Variants in BCL7C observed in about 807,000 individuals in gnomAD.
BCL7C encodes the protein B-cell CLL/lymphoma 7 protein family member C.
A neutral mutation model predicts 26.2 loss-of-function variants in BCL7C; 8 were observed. The ratio of observed to expected loss-of-function variants is 0.30; its 90% CI spans 0.18 to 0.55. The LOEUF is 0.55. Ranked by LOEUF, BCL7C falls within the 20% of genes least tolerant of loss-of-function variation. The probability of loss-of-function intolerance (pLI) is 0.93; values close to 1 mark genes in which losing one functional copy is unlikely to be tolerated. For missense variants in BCL7C, 262 were observed against 298.5 expected, an observed-to-expected ratio of 0.88 and a Z score of 0.90; for synonymous variants, 90 against 116.5, an observed-to-expected ratio of 0.77 and a Z score of 1.47.
intron 5 of BCL7C, among the ~76,000 whole-genome samples, chr16:30,844,148 A>G (rs1326330895): frequency 6.6e-5 from 10 of 151,052 alleles, no homozygotes; most frequent in Non-Finnish European, 1.5e-4. Context: ...TCAAGAGATC[A>G]AGACCATCCT....
At chr16:30,844,541 G>T (rs1322754258) in intron 5 of BCL7C, among the ~76,000 whole-genome samples, 2 of 152,010 alleles carry the variant, frequency 1.3e-5, no homozygotes, top group Non-Finnish European at 2.9e-5. Context: ...CACACTGGTG[G>T]GTTAAATGAG....
Position 30,887,870 on chromosome 16 carries a change from G to A in BCL7C, c.649C>T (p.Pro217Ser). 2 of 1,589,620 alleles carry A rather than the reference G, an allele frequency of 1.3e-6. No individual in the cohort carries two copies. The highest frequency in any genetic ancestry group is 1.7e-6 in the Non-Finnish European group (2 of 1,169,674). Residue 217 changes from proline (P) to serine (S), a missense_variant, in exon 6 of 6, where the codon CCC (proline) becomes TCC (serine). Physicochemically the swap from Pro to Ser is moderately conservative, Grantham distance 74 (BLOSUM62 -1). Coordinates refer to ENST00000215115, the MANE Select transcript of BCL7C (RefSeq NM_004765.4). ...LKRICPNAPD[P>S] ...AGGACAGGCAGGCCGGCTTCTCAGG[G>A]GTCAGGGGCATTTGGGCAGATGCGC... is the stretch of plus-strand genomic sequence containing the variant.
chr16:30,888,188 A>C (rs2055166058), intron 5 of BCL7C, among the ~76,000 whole-genome samples, 198 bp from the exon 6 acceptor site: 1 of 152,318 alleles, frequency 6.6e-6, no homozygotes, highest in African/African-American at 2.4e-5. Flanking sequence ...AACGAACCTG[A>C]TATTTGATAT....
intron 4 of BCL7C, among the ~76,000 whole-genome samples, chr16:30,891,968 A>C (rs541657600): frequency 8.3e-6 from 1 of 120,014 alleles, no homozygotes; most frequent in East Asian, 2.9e-4. Context: ...TCTAAAAAAA[A>C]GGGGGGGGAG....
chr16:30,844,980 A>G (rs528898496), intron 5 of BCL7C, among the ~76,000 whole-genome samples: 3 of 152,324 alleles, frequency 2.0e-5, no homozygotes, highest in Admixed American at 6.5e-5. Context: ...TTTCAGGGGC[A>G]GATCCCAGTG....
At chr16:30,872,748 GT>G (rs1222871751) in intron 5 of BCL7C, among the ~76,000 whole-genome samples, 1 of 152,128 alleles carries the variant, frequency 6.6e-6, no homozygotes, top group Non-Finnish European at 1.5e-5. Context: ...TAAGTAGGTA[GT>G]TTTGGCAATC....
rs1482104042 is a variant in BCL7C, at chr16:30,888,008, A to G, written c.529-18T>C. ...TCGGGGGCCTGGAGAGGAAGGGTGG[A>G]CAGGCGTGAGCTCCACAGAACCCAG... is the stretch of plus-strand genomic sequence containing the variant. On this transcript the variant is annotated intron_variant, in intron 5 of 5. Transcript: ENST00000215115. The G allele has an allele frequency of 6.2e-7, 1 of 1,600,764 alleles. No homozygotes were observed. Among genetic ancestry groups the G allele is most frequent in the Admixed American group, 1.7e-5 (1 of 58,042 alleles).
chr16:30,889,319 G>C (rs1040525848), intron 4 of BCL7C, among the ~76,000 whole-genome samples: 1 of 152,164 alleles, frequency 6.6e-6, no homozygotes, highest in Admixed American at 6.5e-5. Context: ...TCATGTGGCT[G>C]TTGTGAGGGT....
At chr16:30,839,875 G>T (rs1005685521) in intron 5 of BCL7C, among the ~76,000 whole-genome samples, 2 of 152,202 alleles carry the variant, frequency 1.3e-5, no homozygotes, top group Non-Finnish European at 2.9e-5. Context: ...AATTTGTTAT[G>T]CAGCAATAGG....
At chr16:30,847,486 G>A (rs924301503) in intron 5 of BCL7C, among the ~76,000 whole-genome samples, 1 of 152,106 alleles carries the variant, frequency 6.6e-6, no homozygotes, top group Non-Finnish European at 1.5e-5. Flanking sequence ...TTGCCAGTAG[G>A]TCTTTAATAG....
At chr16:30,869,514 T>C (rs920031620) in intron 5 of BCL7C, among the ~76,000 whole-genome samples, 5 of 148,242 alleles carry the variant, frequency 3.4e-5, no homozygotes, top group African/African-American at 7.5e-5. Flanking sequence ...TCTTTCTTTT[T>C]TTTTTTTTTT....
Position 30,893,216 on chromosome 16 carries a change from T to A in BCL7C, c.167A>T (p.Glu56Val). The A allele has an allele frequency of 4.3e-6, 7 of 1,613,078 alleles. No individual in the cohort carries two copies. In the South Asian group the frequency reaches 7.7e-5, roughly 18 times the overall value. Residue 56 changes from glutamate to valine, a missense_variant, in exon 2 of 6, where the codon GAG (glutamate) becomes GTG (valine). Glu to Val is a moderately radical substitution (Grantham distance 121). Transcript: ENST00000215115. This position sits in a 1 kb window ranked among gnomAD's most constrained non-coding sequence, Gnocchi z 5.2. ...GTGGGAATGGGGGTTGCTCACCTCC[T>A]CCTGGGGATCCACCACTGGCACCCA... ...FKWVPVVDPQ[E>V]EERRRAGGGA...
chr16:30,856,150 TAA>T (rs1449240322), intron 5 of BCL7C, among the ~76,000 whole-genome samples: 1 of 150,310 alleles, frequency 6.7e-6, no homozygotes, highest in African/African-American at 2.4e-5. Flanking sequence ...AGTGACATTT[TAA>T]AAACCAAAGT....
chr16:30,851,763 G>A (rs1239353150), intron 5 of BCL7C: 9 of 466,788 alleles, frequency 1.9e-5, no homozygotes. Context: ...TTTTTTTGGT[G>A]CAAGGTTGGC....
chr16:30,855,251 T>A (rs1331000541), intron 5 of BCL7C, among the ~76,000 whole-genome samples: 1 of 152,038 alleles, frequency 6.6e-6, no homozygotes, highest in African/African-American at 2.4e-5. Context: ...TTTATTTATT[T>A]ATTTTGAGAT....
rs2055269361 is a variant in BCL7C at position 30,892,694 on chromosome 16, C to G, written c.334G>C (p.Glu112Gln). 1 of 1,614,006 alleles carries G rather than the reference C, an allele frequency of 6.2e-7. No homozygotes were observed. The highest frequency in any genetic ancestry group is 1.3e-5 in the African/African-American group (1 of 74,916). Residue 112 changes from glutamate to glutamine, a missense_variant, in exon 4 of 6, where the codon GAG becomes CAG. Coordinates refer to ENST00000215115, the MANE Select transcript of BCL7C (RefSeq NM_004765.4). ...TGGGGGGTGCCCCCAGGACTGGGCTCTGTGCCCTTTTGCAGGGAACCTTCC... is the reference window on the plus strand; with the variant it reads ...TGGGGGGTGCCCCCAGGACTGGGCTGTGTGCCCTTTTGCAGGGAACCTTCC... ...HSEGSLQKGT[E>Q]PSPGGTPQPS...
In BCL7C at chr16:30,893,378, G is replaced by A. The variant is rs2055289102; in HGVS notation, c.93-88C>T. On this transcript the variant is annotated intron_variant, in intron 1 of 5. Coordinates refer to ENST00000215115, the MANE Select transcript of BCL7C (RefSeq NM_004765.4). The surrounding 1 kb of genome is among the most constrained non-coding windows in gnomAD (Gnocchi z 5.2). ...GGACACATCTGGGGGTACCTGCAGA[G>A]GTTGAGGAGGCACAGGAGGATAGCA... 1 of 1,000,054 alleles carries A rather than the reference G, an allele frequency of 1.0e-6. No individual in the cohort carries two copies. Among genetic ancestry groups the A allele is most frequent in the Non-Finnish European group, 1.5e-6 (1 of 666,952 alleles). 61.9% of individuals were successfully genotyped at this position (1,000,054 alleles called of 1,614,324 possible).
At chr16:30,839,088 C>T (rs1187312237) in intron 5 of BCL7C, among the ~76,000 whole-genome samples, 2 of 152,214 alleles carry the variant, frequency 1.3e-5, no homozygotes, top group Non-Finnish European at 2.9e-5. Context: ...GTGCCATTCA[C>T]TACCAGGTAA....
chr16:30,883,642 G>A (rs1465922535), downstream of BCL7C, among the ~76,000 whole-genome samples: 1 of 135,856 alleles, frequency 7.4e-6, no homozygotes, highest in African/African-American at 2.8e-5. Context: ...TCAACCTCCT[G>A]AGTAGCTGGG....
Sources: allele counts gnomAD v4.1 joint callset (sites outside exome capture counted in the v4.1 genomes callset), GRCh38; gene constraint gnomAD v4.1.1; non-coding constraint Gnocchi (gnomAD v3.1); transcripts MANE v1.5; gene names NCBI Gene and HGNC (gene_info 2026-07-23, HGNC 2026-07-21).